The following CADM1 variants were observed in gnomAD, a reference collection of about 807,000 sequenced individuals.
CADM1 encodes cell adhesion molecule 1.
Under a neutral mutation model 53.1 loss-of-function variants are expected in CADM1, and 15 were observed. That is an observed-to-expected ratio of 0.28 (90% confidence interval 0.19 to 0.44). The LOEUF is 0.44. CADM1 is among the 20% of genes least tolerant of loss of function. CADM1 has a pLI of 1.00. For missense variants in CADM1, 434 were observed against 611.3 expected (o/e 0.71, Z 3.06); for synonymous variants, 281 against 243.0 (o/e 1.16, Z -1.45).
intron 1 of CADM1, among the ~76,000 whole-genome samples, chr11:115,382,362 C>T (rs948871342): frequency 3.9e-5 from 6 of 151,960 alleles, no homozygotes; most frequent in Admixed American, 1.3e-4. Flanking sequence ...AAAATGCACA[C>T]GAGAGGTTTC....
In CADM1 at chr11:115,412,960, T is replaced by A. The variant is rs1947495481; in HGVS notation, c.124+91311A>T. 2.6e-5 allele frequency among the ~76,000 whole-genome samples: 4 copies of A among 152,182 alleles called. No homozygotes were observed. The South Asian group carries it at 8.3e-4, about 32-fold the overall frequency. On this transcript the variant is annotated intron_variant, in intron 1 of 11. Transcript: ENST00000331581. Reference sequence around the variant, plus strand: ...CACTCCTAAAACCTGAAGCAAGTAATCAACTGAAAGATAAATTCTCACTGC... The same window carrying A: ...CACTCCTAAAACCTGAAGCAAGTAAACAACTGAAAGATAAATTCTCACTGC...
chr11:115,255,527 T>C (rs1270257651), intron 1 of CADM1, among the ~76,000 whole-genome samples: 1 of 152,162 alleles, frequency 6.6e-6, no homozygotes, highest in African/African-American at 2.4e-5. Context: ...GCCTGGAGTA[T>C]ATTAATTCCA....
intron 10 of CADM1, among the ~76,000 whole-genome samples, chr11:115,186,883 G>C (rs939886594): frequency 3.3e-5 from 5 of 152,160 alleles, no homozygotes; most frequent in Admixed American, 6.5e-5. Flanking sequence ...TCCCTCAGTA[G>C]GGTGTCGCGG....
At chr11:115,424,456 C>T (rs552921299) in intron 1 of CADM1, among the ~76,000 whole-genome samples, 2 of 152,312 alleles carry the variant, frequency 1.3e-5, no homozygotes, top group South Asian at 4.1e-4. Context: ...CCATATGAAG[C>T]TACATATACT....
At chr11:115,314,416 C>A (rs1195067630) in intron 1 of CADM1, among the ~76,000 whole-genome samples, 1 of 152,096 alleles carries the variant, frequency 6.6e-6, no homozygotes, top group Non-Finnish European at 1.5e-5. Context: ...AATAATTGCC[C>A]CTGCCCTTCA....
intron 1 of CADM1, among the ~76,000 whole-genome samples, chr11:115,280,362 T>C (rs1311175458): frequency 6.6e-6 from 1 of 152,156 alleles, no homozygotes; most frequent in Non-Finnish European, 1.5e-5. Flanking sequence ...TTCACTCAAA[T>C]GGAATCTGAG....
intron 1 of CADM1, among the ~76,000 whole-genome samples, chr11:115,363,127 A>T (rs1946072492): frequency 6.6e-6 from 1 of 152,170 alleles, no homozygotes; most frequent in Admixed American, 6.6e-5. Flanking sequence ...GAGGCTCTTT[A>T]GCCTCTTGTC....
chr11:115,353,227 T>C (rs1945782698), intron 1 of CADM1, among the ~76,000 whole-genome samples: 1 of 152,178 alleles, frequency 6.6e-6, no homozygotes, highest in Admixed American at 6.5e-5. Context: ...TTTAGGGAAA[T>C]CTTCTCTGTA....
chr11:115,205,643 C>T (rs1940638640), intron 8 of CADM1, among the ~76,000 whole-genome samples: 1 of 152,068 alleles, frequency 6.6e-6, no homozygotes, highest in South Asian at 2.1e-4. Flanking sequence ...CATATGTCTT[C>T]ATGAATGAAA....
At chr11:115,211,492 T>TG in intron 7 of CADM1, among the ~76,000 whole-genome samples, 1 of 147,120 alleles carries the variant, frequency 6.8e-6, no homozygotes, top group East Asian at 2.0e-4. Flanking sequence ...TTTTTTTTTT[T>TG]TTTTTTAGAC....
chr11:115,262,845 A>G (rs933486031), intron 1 of CADM1, among the ~76,000 whole-genome samples: 4 of 152,142 alleles, frequency 2.6e-5, no homozygotes, highest in African/African-American at 9.7e-5. Context: ...AGACTTACAG[A>G]AAAGTTGCAA....
intron 1 of CADM1, among the ~76,000 whole-genome samples, chr11:115,449,692 A>T (rs1948529099): frequency 6.6e-6 from 1 of 152,178 alleles, no homozygotes; most frequent in South Asian, 2.1e-4. Context: ...ATTTCCCGAC[A>T]ATGCCACCGA....
At chr11:115,436,265 G>A (rs1427254986) in intron 1 of CADM1, among the ~76,000 whole-genome samples, 1 of 151,898 alleles carries the variant, frequency 6.6e-6, no homozygotes, top group Non-Finnish European at 1.5e-5. Flanking sequence ...TTCTAATTCT[G>A]GTATCTTTTA....
chr11:115,421,419 G>A (rs1005694403), intron 1 of CADM1, among the ~76,000 whole-genome samples: 6 of 152,130 alleles, frequency 3.9e-5, no homozygotes, highest in African/African-American at 1.4e-4. Flanking sequence ...CTGAATTCTC[G>A]ACCTGTCGCA....
At chr11:115,423,405 G>C (rs918138598) in intron 1 of CADM1, among the ~76,000 whole-genome samples, 1 of 152,136 alleles carries the variant, frequency 6.6e-6, no homozygotes, top group African/African-American at 2.4e-5. Context: ...AAATGGAAAA[G>C]AACCATTTAG....
chr11:115,247,481 C>G (rs1942444205), intron 1 of CADM1, among the ~76,000 whole-genome samples: 1 of 152,212 alleles, frequency 6.6e-6, no homozygotes, highest in African/African-American at 2.4e-5. Flanking sequence ...CATCCTTCAT[C>G]CACCCTTTGA....
chr11:115,471,654 G>A (rs1455546798), intron 1 of CADM1, among the ~76,000 whole-genome samples: 1 of 152,180 alleles, frequency 6.6e-6, no homozygotes, highest in African/African-American at 2.4e-5. Flanking sequence ...TCTGGAGTGG[G>A]GCATTCTAAC....
At chr11:115,207,670 T>C (rs1565298087) in intron 8 of CADM1, among the ~76,000 whole-genome samples, 1 of 152,138 alleles carries the variant, frequency 6.6e-6, no homozygotes, top group Non-Finnish European at 1.5e-5. Context: ...TGGTTGTTTA[T>C]ATACCACGTG....
intron 1 of CADM1, among the ~76,000 whole-genome samples, chr11:115,352,161 T>A (rs965924624): frequency 6.6e-6 from 1 of 152,142 alleles, no homozygotes; most frequent in African/African-American, 2.4e-5. Context: ...TAACAAAATC[T>A]CTGAAACTGT....
Sources: gnomAD v4.1 joint callset for allele counts (sites outside exome capture counted in the v4.1 genomes callset) on GRCh38, gnomAD v4.1.1 for gene constraint, MANE v1.5 for transcripts, NCBI Gene and HGNC (gene_info 2026-07-23, HGNC 2026-07-21) for gene names.